Variants in NME7 observed in about 807,000 individuals in gnomAD.
NME7 encodes the protein NME/NM23 family member 7, also known as nucleoside diphosphate kinase 7.
In NME7, 41 loss-of-function variants were observed where a neutral mutation model predicts 49.1. The observed-to-expected ratio is 0.83, with a 90% CI of 0.65 to 1.08. The LOEUF is 1.08. Ranked by LOEUF, NME7 falls within the 50% of genes least tolerant of loss-of-function variation. NME7 has a pLI of 0.00. For missense variants in NME7, 423 were observed against 463.4 expected, an observed-to-expected ratio of 0.91 and a Z score of 0.80; for synonymous variants, 139 against 150.6, an observed-to-expected ratio of 0.92 and a Z score of 0.56.
chr1:169,224,281 C>A lies in NME7; in HGVS notation c.990+6437G>T, dbSNP rs190622544. 3.6e-3 allele frequency among the ~76,000 whole-genome samples: 544 copies of A among 152,300 alleles called. 5 individuals are homozygous for A. The highest frequency in any genetic ancestry group is 0.012 in the African/African-American group (506 of 41,560). On this transcript the variant is annotated intron_variant, in intron 10 of 11. Transcript: ENST00000367811. ...TGACTCCCCATGCCAGGCTGCTCCC[C>A]AGGATCACAGGCCCTCCTCTCTGTG...
chr1:169,204,912 T>C (rs1660634739), intron 10 of NME7, among the ~76,000 whole-genome samples: 1 of 152,146 alleles, frequency 6.6e-6, no homozygotes, highest in Non-Finnish European at 1.5e-5. Flanking sequence ...GTAATTCCAT[T>C]GGAAGTTTCT....
At chr1:169,334,971 C>T (rs1421333763) in intron 1 of NME7, among the ~76,000 whole-genome samples, 2 of 152,152 alleles carry the variant, frequency 1.3e-5, no homozygotes, top group African/African-American at 4.8e-5. Context: ...AAAAGCTCAA[C>T]ATCACTAATC....
At chr1:169,171,721 G>A (rs1415315824) in intron 10 of NME7, among the ~76,000 whole-genome samples, 1 of 150,868 alleles carries the variant, frequency 6.6e-6, no homozygotes, top group South Asian at 2.1e-4. Flanking sequence ...CCGAGATCAC[G>A]CCACTGCACT....
rs1178612041 is a variant in NME7, at chr1:169,273,876, G to A, written c.754+13427C>T. Among the ~76,000 whole-genome samples, 6 of 127,090 alleles carry A rather than the reference G, an allele frequency of 4.7e-5. 2 individuals are homozygous for A. The highest frequency in any genetic ancestry group is 7.4e-5 in the Non-Finnish European group (4 of 54,334). The allele number at this position is 127,090 out of a possible 152,430, so 83.4% of individuals were successfully genotyped here. A position where few individuals can be genotyped will look rare whatever the true frequency, so the allele number is the denominator to read the frequency against. On this transcript the variant is annotated intron_variant, in intron 7 of 11. Coordinates refer to ENST00000367811, the MANE Select transcript of NME7 (RefSeq NM_013330.5). ...CAGTCTATCATTGTTGGACATTTGG[G>A]TTGGTTCCAAGTCTTTGCTATTGTG...
intron 10 of NME7, among the ~76,000 whole-genome samples, chr1:169,175,697 G>C (rs1030069503): frequency 6.6e-6 from 1 of 151,890 alleles, no homozygotes; most frequent in Non-Finnish European, 1.5e-5. Flanking sequence ...GGTTTATCAC[G>C]AGGTCACTAG....
Position 169,273,601 on chromosome 1 carries a change from T to C in NME7, c.754+13702A>G, listed in dbSNP as rs1427787177. Reference sequence around the variant, plus strand: ...GCATTAGGTATATCTCCTAATGCTATCCCTCCCCACTCCCCCTACCCCACA... The same window carrying C: ...GCATTAGGTATATCTCCTAATGCTACCCCTCCCCACTCCCCCTACCCCACA... On this transcript the variant is annotated intron_variant, in intron 7 of 11. Coordinates refer to ENST00000367811, the MANE Select transcript of NME7 (RefSeq NM_013330.5). 1.5e-5 allele frequency among the ~76,000 whole-genome samples: 2 copies of C among 130,864 alleles called. 1 individual carries two copies. The highest frequency in any genetic ancestry group is 4.7e-4 in the South Asian group (2 of 4,212). The allele number at this position is 130,864 out of a possible 152,430, so 85.9% of individuals were successfully genotyped here.
chr1:169,192,342 T>C (rs1274789532), intron 10 of NME7, among the ~76,000 whole-genome samples: 1 of 152,124 alleles, frequency 6.6e-6, no homozygotes. Context: ...AAAAATATTT[T>C]GAAAAAAAAT....
intron 10 of NME7, among the ~76,000 whole-genome samples, chr1:169,218,336 T>C (rs1661033064): frequency 6.6e-6 from 1 of 152,130 alleles, no homozygotes; most frequent in Non-Finnish European, 1.5e-5. Context: ...CTCATGCTTG[T>C]AATCCTAGCA....
At chr1:169,220,645 AAAT>A (rs1661115396) in intron 10 of NME7, among the ~76,000 whole-genome samples, 5 of 152,192 alleles carry the variant, frequency 3.3e-5, no homozygotes, top group Admixed American at 3.3e-4. Flanking sequence ...ACTTCAAAGA[AAAT>A]AAATTACTAA....
intron 1 of NME7, among the ~76,000 whole-genome samples, chr1:169,328,266 C>T (rs896286337): frequency 6.6e-6 from 1 of 152,184 alleles, no homozygotes; most frequent in African/African-American, 2.4e-5. Context: ...ATGTCTCTAA[C>T]TCTCATTTTC....
intron 10 of NME7, among the ~76,000 whole-genome samples, chr1:169,193,248 A>T (rs10919089): frequency 0.015 from 2,235 of 152,226 alleles, 58 homozygotes; most frequent in African/African-American, 0.051. Flanking sequence ...TCAACATACA[A>T]AGGTGAAAGG....
At chr1:169,180,197 A>G (rs1313429424) in intron 10 of NME7, among the ~76,000 whole-genome samples, 1 of 152,226 alleles carries the variant, frequency 6.6e-6, no homozygotes, top group African/African-American at 2.4e-5. Flanking sequence ...GATAATGCCC[A>G]TAAAATGTCT....
rs1342341979 is a variant in NME7 at position 169,323,210 on chromosome 1, A to C, written c.185T>G (p.Ile62Arg). The C allele has an allele frequency of 6.2e-7, 1 of 1,609,108 alleles. No individual in the cohort carries two copies. Among genetic ancestry groups the C allele is most frequent in the Non-Finnish European group, 8.5e-7 (1 of 1,177,722 alleles). The change falls in exon 3 of 12, where the codon ATA becomes AGA. Residue 62 changes from isoleucine (I) to arginine (R), a missense_variant. By Grantham distance (97) the Ile-to-Arg change is moderately conservative. Coordinates refer to ENST00000367811, the MANE Select transcript of NME7 (RefSeq NM_013330.5). ...YDNLHLEDLF[I>R]GNKVNVFSRQ... is the part of the protein sequence containing the mutation. ...AGAAAAGACATTCACTTTGTTGCCT[A>C]TAAATAAATCTTCCAAGTGCAGGTT...
At chr1:169,322,037 T>C (rs951318324) in intron 3 of NME7, among the ~76,000 whole-genome samples, 4 of 152,142 alleles carry the variant, frequency 2.6e-5, no homozygotes, top group African/African-American at 9.7e-5. Context: ...ATATAATTAA[T>C]TCTAGTCTCA....
intron 11 of NME7, among the ~76,000 whole-genome samples, chr1:169,163,322 C>A (rs1197787624): frequency 5.3e-5 from 8 of 151,478 alleles, no homozygotes; most frequent in Admixed American, 5.3e-4. Flanking sequence ...GTAACGTATG[C>A]CATACAGCAA....
At chr1:169,148,321 TC>T in intron 11 of NME7, among the ~76,000 whole-genome samples, 1 of 152,076 alleles carries the variant, frequency 6.6e-6, no homozygotes. Flanking sequence ...TTAAAAGCTT[TC>T]CATAACCTGC....
At chr1:169,138,176 T>C (rs1282964131) in intron 11 of NME7, among the ~76,000 whole-genome samples, 1 of 152,118 alleles carries the variant, frequency 6.6e-6, no homozygotes, top group Non-Finnish European at 1.5e-5. Flanking sequence ...CTGTGCGTGG[T>C]ACTGCATGCT....
intron 7 of NME7, among the ~76,000 whole-genome samples, chr1:169,275,093 C>T: frequency 7.5e-6 from 1 of 132,724 alleles, no homozygotes; most frequent in East Asian, 2.0e-4. Context: ...TTCTTCCCAC[C>T]CATGAGCATG....
chr1:169,317,647 G>A (rs1651698773), intron 3 of NME7, among the ~76,000 whole-genome samples: 2 of 152,118 alleles, frequency 1.3e-5, no homozygotes, highest in Admixed American at 1.3e-4. Context: ...ACAGTAATTG[G>A]TATTGAGGGA....
Sources: gnomAD v4.1 joint callset for allele counts (sites outside exome capture counted in the v4.1 genomes callset) on GRCh38, gnomAD v4.1.1 for gene constraint, MANE v1.5 for transcripts, NCBI Gene and HGNC (gene_info 2026-07-23, HGNC 2026-07-21) for gene names.